Variants in ATP8A2 observed in about 807,000 individuals in gnomAD.
ATP8A2 encodes phospholipid-transporting ATPase IB.
ATP8A2 carries 100 observed loss-of-function variants against 165.6 expected under a neutral mutation model. The ratio of observed to expected loss-of-function variants is 0.60; its 90% CI spans 0.51 to 0.71. ATP8A2 has a LOEUF of 0.71. Among genes scored for constraint, ATP8A2 ranks in the 30% least tolerant of loss-of-function variants. The pLI is 0.00. For synonymous variants in ATP8A2, 543 were observed against 548.8 expected, an observed-to-expected ratio of 0.99 and a Z score of 0.15; for missense variants, 1,227 against 1,479.5, an observed-to-expected ratio of 0.83 and a Z score of 2.80.
intron 27 of ATP8A2, among the ~76,000 whole-genome samples, chr13:25,826,525 G>A (rs989246980): frequency 6.6e-6 from 1 of 152,110 alleles, no homozygotes; most frequent in Non-Finnish European, 1.5e-5. Context: ...AAGAAACGCA[G>A]TCTGGTGGAG....
chr13:25,853,396 A>AAAATATAT (rs1555278504), intron 30 of ATP8A2, among the ~76,000 whole-genome samples: 12 of 107,850 alleles, frequency 1.1e-4, no homozygotes, highest in South Asian at 2.9e-4. Flanking sequence ...ATCTAAAAAA[A>AAAATATAT]ATATATATAT....
At chr13:25,609,852 G>A (rs1461424629) in intron 24 of ATP8A2, among the ~76,000 whole-genome samples, 3 of 150,004 alleles carry the variant, frequency 2.0e-5, no homozygotes, top group African/African-American at 7.4e-5. Context: ...GTTTTGATTT[G>A]CATTTCTCTG....
chr13:25,969,874 C>G (rs2139212916), intron 35 of ATP8A2, among the ~76,000 whole-genome samples: 1 of 152,218 alleles, frequency 6.6e-6, no homozygotes, highest in East Asian at 1.9e-4. Flanking sequence ...CGCAGATGTA[C>G]ATATAACCAC....
chr13:26,022,517 C>T lies in ATP8A2; in HGVS notation c.*2532C>T, dbSNP rs572466850. ...AAACAATATTTGCAGTGATGACAGA[C>T]GCACACAGAAGAAAACATTAGAAGA... On this transcript the variant is annotated 3_prime_UTR_variant, in exon 37 of 37. Transcript: ENST00000381655. The T allele has an allele frequency of 2.6e-5, 4 of 152,308 alleles. No individual in the cohort carries two copies. Among genetic ancestry groups the T allele is most frequent in the African/African-American group, 4.8e-5 (2 of 41,562 alleles). 9.4% of individuals were successfully genotyped at this position (152,308 alleles called of 1,614,324 possible).
chr13:25,837,977 C>T (rs1424063106), intron 29 of ATP8A2, among the ~76,000 whole-genome samples: 1 of 152,186 alleles, frequency 6.6e-6, no homozygotes, highest in Non-Finnish European at 1.5e-5. Flanking sequence ...TGGCAGAGTG[C>T]TTGGGTGACC....
chr13:25,782,092 ATAATGCATGACT>A (rs1457586957), intron 27 of ATP8A2, among the ~76,000 whole-genome samples: 3 of 152,250 alleles, frequency 2.0e-5, no homozygotes, highest in Admixed American at 2.0e-4. Flanking sequence ...CCTCTTGCAT[ATAATGCATGACT>A]TAACTATACC....
chr13:25,991,137 T>C (rs1174205275), intron 35 of ATP8A2, among the ~76,000 whole-genome samples: 1 of 152,064 alleles, frequency 6.6e-6, no homozygotes, highest in Non-Finnish European at 1.5e-5. Context: ...GGAGGAAGTC[T>C]CCCCACCCGC....
chr13:25,842,709 AGAAG>A (rs774303749), intron 30 of ATP8A2, among the ~76,000 whole-genome samples: 44 of 151,448 alleles, frequency 2.9e-4, no homozygotes, highest in African/African-American at 6.5e-4. Flanking sequence ...AGAAAAGGAA[AGAAG>A]GAAGGAAGGA....
rs149360875 is a variant in ATP8A2 at position 25,914,909 on chromosome 13, C to T, written c.3184-46666C>T. ...CCCTCTGTGGAACGCCCTTCTTCCC[C>T]CTTCCCGATTTGTTAGGATTTGGCT... is the stretch of plus-strand genomic sequence containing the variant. On this transcript the variant is annotated intron_variant, in intron 33 of 36. Coordinates refer to ENST00000381655, the MANE Select transcript of ATP8A2 (RefSeq NM_016529.6). 4.8e-3 allele frequency among the ~76,000 whole-genome samples: 730 copies of T among 152,338 alleles called. 5 individuals carry two copies. Among genetic ancestry groups the T allele is most frequent in the Middle Eastern group, 0.017 (5 of 294 alleles).
intron 4 of ATP8A2, 21 bp from the exon 5 acceptor site, chr13:25,532,250 AT>A (rs758751110): frequency 9.6e-5 from 153 of 1,594,170 alleles, no homozygotes; most frequent in East Asian, 4.7e-4. Context: ...ATGTTAAACT[AT>A]TTTTTTTCTT....
At chr13:25,385,131 AC>A (rs2032994106) in intron 1 of ATP8A2, among the ~76,000 whole-genome samples, 1 of 152,204 alleles carries the variant, frequency 6.6e-6, no homozygotes, top group Non-Finnish European at 1.5e-5. Context: ...GTCTTTAGGG[AC>A]CACATTAGCC....
intron 35 of ATP8A2, among the ~76,000 whole-genome samples, chr13:25,994,240 A>G (rs964712274): frequency 3.3e-5 from 5 of 152,016 alleles, no homozygotes; most frequent in African/African-American, 9.7e-5. Flanking sequence ...ATATCTATAC[A>G]TAAATATATA....
At chr13:25,643,486 T>A (rs778158466) in intron 24 of ATP8A2, among the ~76,000 whole-genome samples, 2 of 152,138 alleles carry the variant, frequency 1.3e-5, no homozygotes, top group Non-Finnish European at 2.9e-5. Context: ...TTCATCCTTC[T>A]GTGTATGGAC....
chr13:25,794,257 A>G (rs1593357272), intron 27 of ATP8A2, among the ~76,000 whole-genome samples: 1 of 152,222 alleles, frequency 6.6e-6, no homozygotes, highest in African/African-American at 2.4e-5. Flanking sequence ...CTTACCAAAT[A>G]CTAGAAACAA....
intron 32 of ATP8A2, among the ~76,000 whole-genome samples, chr13:25,861,915 C>A (rs770745587): frequency 1.3e-5 from 2 of 152,154 alleles, no homozygotes; most frequent in Non-Finnish European, 2.9e-5. Context: ...TAAATAAAAA[C>A]ATCTTATTTA....
intron 24 of ATP8A2, among the ~76,000 whole-genome samples, chr13:25,641,139 G>A (rs1179794628): frequency 6.6e-6 from 1 of 152,140 alleles, no homozygotes; most frequent in Non-Finnish European, 1.5e-5. Flanking sequence ...CAAACCCACA[G>A]CCAATATCAT....
At chr13:25,583,582 G>A (rs781585644) in intron 23 of ATP8A2, among the ~76,000 whole-genome samples, 2 of 152,016 alleles carry the variant, frequency 1.3e-5, no homozygotes, top group Admixed American at 6.6e-5. Context: ...CACACCGCCC[G>A]GCCCCTGGGA....
chr13:25,422,349 A>G (rs988155126), intron 1 of ATP8A2, among the ~76,000 whole-genome samples: 1 of 152,180 alleles, frequency 6.6e-6, no homozygotes, highest in Non-Finnish European at 1.5e-5. Context: ...GCTTCATGTC[A>G]GGCCAAATGT....
chr13:25,794,859 A>ACACACACACACACC (rs1378534914), intron 27 of ATP8A2, among the ~76,000 whole-genome samples: 5 of 143,604 alleles, frequency 3.5e-5, no homozygotes, highest in Admixed American at 1.4e-4. Flanking sequence ...ACACACACAC[A>ACACACACACACACC]CCTTCTCTCT....
Sources: gnomAD v4.1 joint callset for allele counts (sites outside exome capture counted in the v4.1 genomes callset) on GRCh38, gnomAD v4.1.1 for gene constraint, MANE v1.5 for transcripts, NCBI Gene and HGNC (gene_info 2026-07-23, HGNC 2026-07-21) for gene names.